The following CD247 variants were observed in gnomAD, a reference collection of about 807,000 sequenced individuals.
CD247 encodes the protein T-cell surface glycoprotein CD3 zeta chain.
CD247 carries 13 observed loss-of-function variants against 30.0 expected under a neutral mutation model. The ratio of observed to expected loss-of-function variants is 0.43; its 90% CI spans 0.28 to 0.69. The LOEUF (loss-of-function observed/expected upper bound fraction) is 0.69. Among genes scored for constraint, CD247 ranks in the 30% least tolerant of loss-of-function variants. CD247 has a pLI of 0.16. For synonymous variants in CD247, 72 were observed against 80.0 expected (o/e 0.90, Z 0.53); for missense variants, 193 against 212.6 (o/e 0.91, Z 0.57).
chr1:167,478,012 G>A (rs1653820488), intron 1 of CD247, among the ~76,000 whole-genome samples: 1 of 152,216 alleles, frequency 6.6e-6, no homozygotes, highest in East Asian at 1.9e-4. Flanking sequence ...AAAGTTCTCA[G>A]CCCAGCTGAG....
chr1:167,483,700 T>A (rs1394988663), intron 1 of CD247, among the ~76,000 whole-genome samples: 1 of 152,214 alleles, frequency 6.6e-6, no homozygotes, highest in Admixed American at 6.5e-5. Context: ...CAAGGCCACA[T>A]CACCTGCAGG....
At chr1:167,453,461 C>T (rs146197207) in intron 1 of CD247, among the ~76,000 whole-genome samples, 127 of 152,158 alleles carry the variant, frequency 8.3e-4, no homozygotes, top group African/African-American at 2.8e-3. Flanking sequence ...TCGAGCAAAC[C>T]CCTTATGTCA....
chr1:167,443,414 G>A (rs1415447383), intron 1 of CD247, among the ~76,000 whole-genome samples: 3 of 152,186 alleles, frequency 2.0e-5, no homozygotes, highest in Non-Finnish European at 2.9e-5. Context: ...ACCTAGGGAC[G>A]ATCTAAAGGC....
chr1:167,460,097 G>A (rs1652923047), intron 1 of CD247, among the ~76,000 whole-genome samples: 1 of 152,122 alleles, frequency 6.6e-6, no homozygotes, highest in Admixed American at 6.5e-5. Flanking sequence ...TCCTCTGAAA[G>A]TTTGAACAAA....
chr1:167,515,993 C>G lies in CD247; in HGVS notation c.58+2415G>C, dbSNP rs967573307. Among the ~76,000 whole-genome samples the G allele has an allele frequency of 2.0e-5, 3 of 152,208 alleles. No homozygotes were observed. The East Asian group carries it at 5.8e-4, about 29-fold the overall frequency. On this transcript the variant is annotated intron_variant, in intron 1 of 7. Transcript: ENST00000362089. ...CTTTAGAGGTGAGAAAACTGAGGCC[C>G]AGAGAGGTTAAGTAACTTGCCTAAG... is the stretch of plus-strand genomic sequence containing the variant.
At chr1:167,460,366 A>G (rs1028043752) in intron 1 of CD247, among the ~76,000 whole-genome samples, 1 of 152,132 alleles carries the variant, frequency 6.6e-6, no homozygotes, top group South Asian at 2.1e-4. Flanking sequence ...TCACATCACT[A>G]CACTCCAGCC....
chr1:167,449,149 C>CTTTTTT lies in CD247; in HGVS notation c.59-8388_59-8383dup, dbSNP rs71097676. 2.8e-3 allele frequency among the ~76,000 whole-genome samples: 188 copies of CTTTTTT among 66,364 alleles called. 2 individuals are homozygous for CTTTTTT. The highest frequency in any genetic ancestry group is 0.01 in the Middle Eastern group (1 of 96). The allele number at this position is 66,364 out of a possible 152,430, so 43.5% of individuals were successfully genotyped here. A position where few individuals can be genotyped will look rare whatever the true frequency, so the allele number is the denominator to read the frequency against. On this transcript the variant is annotated intron_variant, in intron 1 of 7. Transcript: ENST00000362089. The stretch of plus-strand genomic sequence containing the variant: ...GATACTTTGTGATCATTTTTCTTTT[C>CTTTTTT]TTTTTTTTTTTTTTTTTTTTTGAGA...
Position 167,433,072 on chromosome 1 carries a change from G to A in CD247, c.394-13C>T. ...TGCCCCTCCGGCGCTGGTTGTTTGG[G>A]AGTGAAATGAGAAAAGGATTAGAAA... On this transcript the variant is annotated splice_polypyrimidine_tract_variant and intron_variant, in intron 6 of 7. Coordinates refer to ENST00000362089, the MANE Select transcript of CD247 (RefSeq NM_198053.3). The A allele has an allele frequency of 6.2e-7, 1 of 1,614,160 alleles. No individual in the cohort carries two copies. Among genetic ancestry groups the A allele is most frequent in the Non-Finnish European group, 8.5e-7 (1 of 1,179,972 alleles).
chr1:167,510,378 C>G (rs1381574462), intron 1 of CD247, among the ~76,000 whole-genome samples: 4 of 152,232 alleles, frequency 2.6e-5, no homozygotes, highest in African/African-American at 9.7e-5. Context: ...ACACCTGCAA[C>G]CACCAGAGCC....
intron 1 of CD247, among the ~76,000 whole-genome samples, chr1:167,506,705 T>C (rs1655153380): frequency 6.6e-6 from 1 of 152,086 alleles, no homozygotes. Context: ...AGCTACACTT[T>C]ACATGAGAGA....
chr1:167,452,753 T>C (rs1319835153), intron 1 of CD247, among the ~76,000 whole-genome samples: 3 of 151,954 alleles, frequency 2.0e-5, no homozygotes, highest in African/African-American at 7.3e-5. Context: ...GACAGGCAAG[T>C]GATCTCCTTT....
rs756693725 is a variant in CD247 at position 167,439,318 on chromosome 1, G to C, written c.219+26C>G. On this transcript the variant is annotated intron_variant, in intron 3 of 7. Coordinates refer to ENST00000362089, the MANE Select transcript of CD247 (RefSeq NM_198053.3). ...AGGAGGAGGCTGCCCTTCCTTTCCG[G>C]AGGGTCTACGGCGAGGCTGACTTAC... 2.3e-5 allele frequency: 37 copies of C among 1,610,478 alleles called. No individual in the cohort carries two copies. The East Asian group carries it at 8.2e-4, about 36-fold the overall frequency.
At chr1:167,463,538 A>G (rs1401065144) in intron 1 of CD247, among the ~76,000 whole-genome samples, 1 of 152,200 alleles carries the variant, frequency 6.6e-6, no homozygotes, top group Non-Finnish European at 1.5e-5. Flanking sequence ...GTCTGCTGGG[A>G]TATTTAGAAT....
intron 1 of CD247, among the ~76,000 whole-genome samples, chr1:167,517,663 C>T: frequency 6.6e-6 from 1 of 152,218 alleles, no homozygotes; most frequent in East Asian, 1.9e-4. Context: ...CTGTCAATGC[C>T]GGGCCCTCTG....
intron 1 of CD247, among the ~76,000 whole-genome samples, chr1:167,517,917 A>G (rs534980612): frequency 1.3e-5 from 2 of 152,308 alleles, no homozygotes; most frequent in Admixed American, 1.3e-4. Flanking sequence ...GTTTCAGGCC[A>G]TGACCTTGAC....
intron 1 of CD247, among the ~76,000 whole-genome samples, chr1:167,512,721 T>C (rs1655441120): frequency 6.6e-6 from 1 of 152,170 alleles, no homozygotes; most frequent in Non-Finnish European, 1.5e-5. Context: ...GTTTAGGCAC[T>C]TCCGAATCAG....
At chr1:167,470,476 G>A (rs555680050) in intron 1 of CD247, among the ~76,000 whole-genome samples, 1 of 141,208 alleles carries the variant, frequency 7.1e-6, no homozygotes, top group East Asian at 2.0e-4. Context: ...TATGACTTTT[G>A]GGCTTACAGA....
chr1:167,440,457 C>G (rs964215259), intron 2 of CD247: 6 of 617,488 alleles, frequency 9.7e-6, no homozygotes, highest in Admixed American at 7.6e-5. Flanking sequence ...GCACCAGGCT[C>G]TCCCTCCTAC....
At chr1:167,465,954 A>G (rs1226257833) in intron 1 of CD247, among the ~76,000 whole-genome samples, 2 of 152,104 alleles carry the variant, frequency 1.3e-5, no homozygotes, top group Non-Finnish European at 2.9e-5. Flanking sequence ...ACATGCACAC[A>G]CTCCTGACAG....
Sources: allele counts gnomAD v4.1 joint callset (sites outside exome capture counted in the v4.1 genomes callset), GRCh38; gene constraint gnomAD v4.1.1; transcripts MANE v1.5; gene names NCBI Gene and HGNC (gene_info 2026-07-23, HGNC 2026-07-21).